Variants in NTNG1 observed in about 807,000 individuals in gnomAD.
NTNG1 encodes the protein netrin G1.
In NTNG1, 16 loss-of-function variants were observed where a neutral mutation model predicts 54.0. The ratio of observed to expected loss-of-function variants is 0.30; its 90% CI spans 0.20 to 0.45. The LOEUF is 0.45. Ranked by LOEUF, NTNG1 falls within the 20% of genes least tolerant of loss-of-function variation. The pLI, the probability that NTNG1 is intolerant of heterozygous loss-of-function variation, is 1.00. For missense variants in NTNG1, 530 were observed against 678.7 expected (o/e 0.78, Z 2.43); for synonymous variants, 255 against 263.1 (o/e 0.97, Z 0.30).
intron 2 of NTNG1, among the ~76,000 whole-genome samples, chr1:107,166,272 G>A (rs190687494): frequency 8.7e-4 from 132 of 152,190 alleles, no homozygotes; most frequent in African/African-American, 3.0e-3. Context: ...CTTGTATTTC[G>A]CTTTCCTTTT....
intron 2 of NTNG1, among the ~76,000 whole-genome samples, chr1:107,312,769 G>A (rs905746155): frequency 7.9e-5 from 12 of 152,106 alleles, no homozygotes; most frequent in Non-Finnish European, 4.4e-5. Flanking sequence ...CCACTGCAAT[G>A]CATAGTAATA....
intron 5 of NTNG1, among the ~76,000 whole-genome samples, chr1:107,421,597 C>T (rs183491429): frequency 1.3e-5 from 2 of 152,074 alleles, no homozygotes; most frequent in East Asian, 3.9e-4. Context: ...AAAATTGTTT[C>T]GAATAACTTT....
intron 6 of NTNG1, among the ~76,000 whole-genome samples, chr1:107,432,417 C>T (rs916248089): frequency 6.6e-6 from 1 of 152,198 alleles, no homozygotes; most frequent in Non-Finnish European, 1.5e-5. Flanking sequence ...CAACCACTGA[C>T]ACAATTAGCA....
In NTNG1 at chr1:107,217,701, T is replaced by A. The variant is rs541080668; in HGVS notation, c.246+68862T>A. 9.8e-5 allele frequency among the ~76,000 whole-genome samples: 15 copies of A among 152,360 alleles called. No homozygotes were observed. The South Asian group carries it at 3.1e-3, about 32-fold the overall frequency. Reference sequence around the variant, plus strand: ...TTTAGTTTCTATCTTGATTCCATTGTTGACCTAACAATCATTCAGGAGCGG... The same window carrying A: ...TTTAGTTTCTATCTTGATTCCATTGATGACCTAACAATCATTCAGGAGCGG... On this transcript the variant is annotated intron_variant, in intron 2 of 7. Coordinates refer to ENST00000370068, the MANE Select transcript of NTNG1 (RefSeq NM_001113226.3).
In NTNG1 at chr1:107,481,352, T is replaced by G. The variant is rs985730637; in HGVS notation, c.*512T>G. 6.5e-6 allele frequency: 1 copy of G among 154,784 alleles called. No individual in the cohort carries two copies. The highest frequency in any genetic ancestry group is 6.4e-5 in the Admixed American group (1 of 15,622). The allele number at this position is 154,784 out of a possible 1,614,324, so 9.6% of individuals were successfully genotyped here. ...CAACCTGTGCTTTAGTGAACGTTGC[T>G]CTGTAACCCTTGTTGGTTGAAAGAT... On this transcript the variant is annotated 3_prime_UTR_variant, in exon 8 of 8. Coordinates refer to ENST00000370068, the MANE Select transcript of NTNG1 (RefSeq NM_001113226.3).
At chr1:107,322,293 C>A (rs1458960134) in intron 2 of NTNG1, among the ~76,000 whole-genome samples, 2 of 152,170 alleles carry the variant, frequency 1.3e-5, no homozygotes, top group South Asian at 4.1e-4. Context: ...GATCCCACAG[C>A]GCCTTTCCCC....
chr1:107,383,000 C>G (rs904484257), intron 3 of NTNG1, among the ~76,000 whole-genome samples: 2 of 152,172 alleles, frequency 1.3e-5, no homozygotes, highest in African/African-American at 4.8e-5. Flanking sequence ...TCAATTTCCT[C>G]TCGAATTTTG....
chr1:107,458,169 A>G (rs1349795794), intron 7 of NTNG1, among the ~76,000 whole-genome samples: 2 of 152,168 alleles, frequency 1.3e-5, no homozygotes, highest in African/African-American at 4.8e-5. Flanking sequence ...CTTACTTTAA[A>G]TCTATTAGTC....
chr1:107,356,809 C>A, intron 3 of NTNG1, among the ~76,000 whole-genome samples: 1 of 151,950 alleles, frequency 6.6e-6, no homozygotes, highest in African/African-American at 2.4e-5. Flanking sequence ...TTGAGACCAA[C>A]CTGGACAACA....
intron 3 of NTNG1, among the ~76,000 whole-genome samples, chr1:107,350,693 A>ATC (rs1669548055): frequency 6.6e-6 from 1 of 152,234 alleles, no homozygotes; most frequent in African/African-American, 2.4e-5. Context: ...CATTTGTGAC[A>ATC]ACATTGATGA....
intron 2 of NTNG1, among the ~76,000 whole-genome samples, chr1:107,210,465 C>T (rs557692294): frequency 1.3e-5 from 2 of 152,142 alleles, no homozygotes; most frequent in African/African-American, 2.4e-5. Flanking sequence ...ATGAAGGAGC[C>T]GTTCCACTGA....
chr1:107,302,263 A>G (rs1491003023), intron 2 of NTNG1, among the ~76,000 whole-genome samples: 5 of 152,254 alleles, frequency 3.3e-5, no homozygotes, highest in African/African-American at 1.2e-4. Flanking sequence ...TGGGTCAAAG[A>G]GAATTAAGAT....
At chr1:107,436,907 A>T (rs551419563) in intron 7 of NTNG1, 108 bp downstream of exon 7, 7 of 1,033,718 alleles carry the variant, frequency 6.8e-6, no homozygotes, top group Non-Finnish European at 5.6e-6. Context: ...CAAACCGCTG[A>T]CAAGTTTTAA....
chr1:107,268,933 G>C (rs1233097492), intron 2 of NTNG1, among the ~76,000 whole-genome samples: 2 of 151,978 alleles, frequency 1.3e-5, no homozygotes, highest in African/African-American at 4.8e-5. Context: ...CCAAGCCATT[G>C]TCATCTCCCA....
At chr1:107,157,962 C>A (rs1422645971) in intron 2 of NTNG1, among the ~76,000 whole-genome samples, 1 of 152,048 alleles carries the variant, frequency 6.6e-6, no homozygotes, top group African/African-American at 2.4e-5. Flanking sequence ...TTATGGATTT[C>A]TGCACTGGAT....
chr1:107,274,165 A>G (rs531715919), intron 2 of NTNG1, among the ~76,000 whole-genome samples: 5 of 152,334 alleles, frequency 3.3e-5, no homozygotes, highest in Non-Finnish European at 7.3e-5. Context: ...AACTTTCACA[A>G]GTCCCCAAGG....
chr1:107,349,491 G>A (rs1186301127), intron 3 of NTNG1, among the ~76,000 whole-genome samples: 3 of 152,082 alleles, frequency 2.0e-5, no homozygotes, highest in African/African-American at 7.2e-5. Flanking sequence ...CACAGAATTT[G>A]AGAAATAGAA....
At chr1:107,255,907 A>G (rs1005947301) in intron 2 of NTNG1, among the ~76,000 whole-genome samples, 2 of 152,238 alleles carry the variant, frequency 1.3e-5, no homozygotes, top group African/African-American at 4.8e-5. Context: ...TGAATTGCTT[A>G]TAGTTATTAT....
At chr1:107,359,889 G>A (rs1274833473) in intron 3 of NTNG1, among the ~76,000 whole-genome samples, 2 of 152,086 alleles carry the variant, frequency 1.3e-5, no homozygotes, top group East Asian at 1.9e-4. Context: ...AAACTATCAC[G>A]AGATAGTCAC....
Sources: allele counts gnomAD v4.1 joint callset (sites outside exome capture counted in the v4.1 genomes callset), GRCh38; gene constraint gnomAD v4.1.1; transcripts MANE v1.5; gene names NCBI Gene and HGNC (gene_info 2026-07-23, HGNC 2026-07-21).